Variants in CDH10 observed in about 807,000 individuals in gnomAD.
The protein encoded by CDH10 is cadherin-10.
A neutral mutation model predicts 73.1 loss-of-function variants in CDH10; 30 were observed. The observed-to-expected ratio is 0.41, with a 90% confidence interval of 0.31 to 0.56. The LOEUF (loss-of-function observed/expected upper bound fraction) is 0.56, where lower values mean the gene tolerates loss of function less well. Ranked by LOEUF, CDH10 falls within the 20% of genes least tolerant of loss-of-function variation. The pLI is 0.27. For synonymous variants in CDH10, 345 were observed against 348.2 expected, an observed-to-expected ratio of 0.99 and a Z score of 0.10; for missense variants, 815 against 973.7, an observed-to-expected ratio of 0.84 and a Z score of 2.17.
chr5:24,494,402 G>A (rs1044692889), intron 9 of CDH10, among the ~76,000 whole-genome samples: 9 of 151,746 alleles, frequency 5.9e-5, no homozygotes, highest in African/African-American at 1.9e-4. Flanking sequence ...ATATATTGAA[G>A]AGGAAAAAAT....
At chr5:24,544,794 C>G (rs986139923) in intron 2 of CDH10, among the ~76,000 whole-genome samples, 1 of 152,130 alleles carries the variant, frequency 6.6e-6, no homozygotes, top group South Asian at 2.1e-4. Context: ...TTCTAGAAGG[C>G]AGGTCCTGCT....
At chr5:24,561,289 A>G (rs1744952902) in intron 2 of CDH10, among the ~76,000 whole-genome samples, 1 of 152,166 alleles carries the variant, frequency 6.6e-6, no homozygotes, top group Non-Finnish European at 1.5e-5. Flanking sequence ...TTCATATCCT[A>G]TACTAGTCAT....
At chr5:24,601,506 AC>A (rs780793552) in intron 1 of CDH10, among the ~76,000 whole-genome samples, 2 of 152,162 alleles carry the variant, frequency 1.3e-5, no homozygotes, top group Non-Finnish European at 2.9e-5. Context: ...CACAGATAAG[AC>A]AGACCCACTG....
intron 2 of CDH10, among the ~76,000 whole-genome samples, chr5:24,578,899 A>T (rs1029986935): frequency 6.6e-6 from 1 of 152,160 alleles, no homozygotes; most frequent in East Asian, 1.9e-4. Context: ...TTTACAGGGA[A>T]ATATCTTGTA....
At chr5:24,638,190 T>C (rs937448303) in intron 1 of CDH10, among the ~76,000 whole-genome samples, 1 of 151,748 alleles carries the variant, frequency 6.6e-6, no homozygotes, top group Non-Finnish European at 1.5e-5. Context: ...CAAGTACTTA[T>C]GCCTATTCCC....
chr5:24,534,132 C>T (rs907652480), intron 5 of CDH10, among the ~76,000 whole-genome samples: 6 of 151,926 alleles, frequency 3.9e-5, no homozygotes, highest in Admixed American at 6.6e-5. Context: ...CTCTGAGCAA[C>T]GGCCTTTAAT....
chr5:24,551,337 G>T (rs947018259), intron 2 of CDH10, among the ~76,000 whole-genome samples: 2 of 151,714 alleles, frequency 1.3e-5, no homozygotes, highest in Non-Finnish European at 2.9e-5. Context: ...TTTTCAATTC[G>T]ACACAGATAC....
intron 2 of CDH10, among the ~76,000 whole-genome samples, chr5:24,540,743 T>C (rs781270351): frequency 1.3e-5 from 2 of 151,944 alleles, no homozygotes; most frequent in Non-Finnish European, 2.9e-5. Flanking sequence ...ATAATGTATA[T>C]TTAAAAAGTC....
intron 1 of CDH10, among the ~76,000 whole-genome samples, chr5:24,609,314 C>T (rs573016751): frequency 5.9e-5 from 9 of 151,938 alleles, no homozygotes; most frequent in Non-Finnish European, 1.0e-4. Context: ...CTTGGTGGAA[C>T]GATAGTTGGG....
At chr5:24,572,977 A>ACAAAAAG (rs1166610280) in intron 2 of CDH10, among the ~76,000 whole-genome samples, 1 of 150,678 alleles carries the variant, frequency 6.6e-6, no homozygotes, top group African/African-American at 2.4e-5. Flanking sequence ...AGAAGACAGA[A>ACAAAAAG]CAAAAAGACG....
rs561941849 is a variant in CDH10, at chr5:24,502,031, A to G, written c.1393+3081T>C. Among the ~76,000 whole-genome samples the G allele has an allele frequency of 9.1e-3, 1,307 of 143,794 alleles. 9 individuals carry two copies. Among genetic ancestry groups the G allele is most frequent in the Non-Finnish European group, 0.012 (797 of 65,492 alleles). 94.3% of individuals were successfully genotyped at this position (143,794 alleles called of 152,430 possible). A position where few individuals can be genotyped will look rare whatever the true frequency, so the allele number is the denominator to read the frequency against. ...CCTCCCGGGTTCACGCCATTCTCCT[A>G]CCTCAGCCTCCCGGTAAGCTTGGGA... On this transcript the variant is annotated intron_variant, in intron 8 of 11. Coordinates refer to ENST00000264463, the MANE Select transcript of CDH10 (RefSeq NM_006727.5).
At chr5:24,524,304 T>C (rs1477157814) in intron 5 of CDH10, among the ~76,000 whole-genome samples, 1 of 152,116 alleles carries the variant, frequency 6.6e-6, no homozygotes, top group African/African-American at 2.4e-5. Flanking sequence ...AGAAGTATCC[T>C]ACTTTGTCAA....
intron 5 of CDH10, among the ~76,000 whole-genome samples, chr5:24,514,667 TG>T (rs1743044882): frequency 6.6e-6 from 1 of 152,196 alleles, no homozygotes; most frequent in Non-Finnish European, 1.5e-5. Context: ...TTATTGTTGA[TG>T]TTAAGTGTTT....
At chr5:24,613,611 A>G (rs148479670) in intron 1 of CDH10, among the ~76,000 whole-genome samples, 2,630 of 152,072 alleles carry the variant, frequency 0.017, 42 homozygotes, top group Non-Finnish European at 0.021. Flanking sequence ...CAGCTGGAGA[A>G]GAGTCTCAGA....
In CDH10 at chr5:24,488,117, C is replaced by G. The variant is rs1402706331; in HGVS notation, c.1913G>C (p.Arg638Pro). 6.2e-7 allele frequency: 1 copy of G among 1,611,846 alleles called. No homozygotes were observed. Among genetic ancestry groups the G allele is most frequent in the Non-Finnish European group, 8.5e-7 (1 of 1,179,096 alleles). Reference sequence around the variant, plus strand: ...TGACAAGATCAGAGGCTCTTTTTTTCGCTGTCTTTTCAGAGCTGCAAACAG... The same window carrying G: ...TGACAAGATCAGAGGCTCTTTTTTTGGCTGTCTTTTCAGAGCTGCAAACAG... The part of the protein sequence containing the change: ...VVLFAALKRQ[R>P]KKEPLILSKE... Residue 638 changes from arginine (R) to proline (P), a missense_variant, in exon 12 of 12, where the codon CGA becomes CCA. By Grantham distance (103) the Arg-to-Pro change is moderately radical (BLOSUM62 -2). Coordinates refer to ENST00000264463, the MANE Select transcript of CDH10 (RefSeq NM_006727.5).
In CDH10 at chr5:24,488,109, C is replaced by G; in HGVS notation, c.1921G>C (p.Glu641Gln). The G allele has an allele frequency of 6.2e-7, 1 of 1,611,942 alleles. No individual in the cohort carries two copies. Among genetic ancestry groups the G allele is most frequent in the South Asian group, 1.1e-5 (1 of 90,838 alleles). The change falls in exon 12 of 12, where the codon GAG becomes CAG. Residue 641 changes from glutamate to glutamine, a missense_variant. Glu to Gln is a conservative substitution (Grantham distance 29). Around this residue, in one of 3 missense-constraint regions of CDH10, gnomAD observed 241 missense variants for 240.3 expected, o/e 1.00. Coordinates refer to ENST00000264463, the MANE Select transcript of CDH10 (RefSeq NM_006727.5). ...TCTTCTTTTGACAAGATCAGAGGCT[C>G]TTTTTTTCGCTGTCTTTTCAGAGCT... ...FAALKRQRKK[E>Q]PLILSKEDIR...
At chr5:24,589,490 A>ATT (rs34964738) in intron 2 of CDH10, among the ~76,000 whole-genome samples, 1,812 of 145,946 alleles carry the variant, frequency 0.012, 46 homozygotes, top group African/African-American at 0.04. Context: ...TATGTTACTG[A>ATT]TTTTTTTTTT....
At chr5:24,530,837 C>G (rs143633774) in intron 5 of CDH10, among the ~76,000 whole-genome samples, 21 of 152,158 alleles carry the variant, frequency 1.4e-4, no homozygotes, top group African/African-American at 4.1e-4. Flanking sequence ...AAGAATTATA[C>G]TAATGTGCAT....
intron 2 of CDH10, chr5:24,554,119 G>GAGAGA (rs143196281): frequency 1.0e-4 from 4 of 39,778 alleles, no homozygotes; most frequent in Admixed American, 2.5e-4. Flanking sequence ...GGCGGGGGGG[G>GAGAGA]GAGAGAGAGA....
Sources: allele counts gnomAD v4.1 joint callset (sites outside exome capture counted in the v4.1 genomes callset), GRCh38; gene constraint gnomAD v4.1.1; regional missense constraint gnomAD v4.1.1; transcripts MANE v1.5; gene names NCBI Gene and HGNC (gene_info 2026-07-23, HGNC 2026-07-21).